Variants in DAB1 observed in about 807,000 individuals in gnomAD.
DAB1 encodes the protein DAB adaptor protein 1, also known as disabled homolog 1.
DAB1 carries 15 observed loss-of-function variants against 64.6 expected under a neutral mutation model. The observed-to-expected ratio is 0.23, with a 90% CI of 0.16 to 0.36. DAB1 has a LOEUF of 0.36. Ranked by LOEUF, DAB1 falls within the 10% of genes least tolerant of loss-of-function variation. The probability of loss-of-function intolerance (pLI) is 1.00; values close to 1 mark genes in which losing one functional copy is unlikely to be tolerated. For synonymous variants in DAB1, 235 were observed against 251.9 expected (o/e 0.93, Z 0.64); for missense variants, 596 against 706.7 (o/e 0.84, Z 1.78).
intron 3 of DAB1, among the ~76,000 whole-genome samples, chr1:58,477,666 C>A (rs896324805): frequency 2.5e-4 from 38 of 152,000 alleles, no homozygotes; most frequent in African/African-American, 8.7e-4. Flanking sequence ...AGCATGCAAC[C>A]CTGGGAGCTA....
intron 2 of DAB1, among the ~76,000 whole-genome samples, chr1:57,184,537 G>T (rs980779109): frequency 3.3e-5 from 5 of 152,270 alleles, no homozygotes; most frequent in African/African-American, 1.2e-4. Context: ...CATTATCACA[G>T]ATTTCACAGT....
Position 58,197,184 on chromosome 1 carries a change from C to A in DAB1, n.310-46596G>T, listed in dbSNP as rs1185582186. Among the ~76,000 whole-genome samples, 5 of 152,268 alleles carry A rather than the reference C, an allele frequency of 3.3e-5. No individual in the cohort carries two copies. The East Asian group carries it at 9.7e-4, about 29-fold the overall frequency. ...CCCTGCAAGCTTCAGTGGCCTACAA[C>A]ATGAATGAAAAGTGAGGTTTTATTA... On this transcript the variant is annotated intron_variant and non_coding_transcript_variant, in intron 4 of 20. Transcript: ENST00000485760.
At chr1:57,847,358 A>C (rs1026227903) in intron 1 of DAB1, among the ~76,000 whole-genome samples, 1 of 152,202 alleles carries the variant, frequency 6.6e-6, no homozygotes, top group African/African-American at 2.4e-5. Flanking sequence ...AGAAAGCATA[A>C]AGAAGAGAAA....
At chr1:57,578,182 T>C (rs1524720) in intron 7 of DAB1, among the ~76,000 whole-genome samples, 138,561 of 152,292 alleles carry the variant, frequency 0.91, 63,753 homozygotes, top group East Asian at 1. Flanking sequence ...TCCATGGCCA[T>C]AGCAGGGAGC....
At chr1:57,588,169 C>G (rs1645402290) in intron 7 of DAB1, among the ~76,000 whole-genome samples, 1 of 152,168 alleles carries the variant, frequency 6.6e-6, no homozygotes, top group Non-Finnish European at 1.5e-5. Context: ...TTTTATTTCT[C>G]CATCCATGGG....
At chr1:57,090,492 C>T (rs973075802) in intron 4 of DAB1, among the ~76,000 whole-genome samples, 1 of 152,140 alleles carries the variant, frequency 6.6e-6, no homozygotes, top group East Asian at 1.9e-4. Flanking sequence ...AAAGTGCCCC[C>T]TACCTGTCTG....
intron 7 of DAB1, among the ~76,000 whole-genome samples, chr1:57,528,052 A>G (rs1558463602): frequency 6.6e-6 from 1 of 152,084 alleles, no homozygotes; most frequent in East Asian, 1.9e-4. Flanking sequence ...CAATTGACTT[A>G]GAGATGACAA....
intron 6 of DAB1, among the ~76,000 whole-genome samples, chr1:57,806,744 T>A (rs1651381019): frequency 6.6e-6 from 1 of 152,240 alleles, no homozygotes; most frequent in Non-Finnish European, 1.5e-5. Context: ...GCATATTTCC[T>A]TAACTCCTTT....
At chr1:57,942,801 C>G (rs1169369036) in intron 5 of DAB1, among the ~76,000 whole-genome samples, 1 of 152,130 alleles carries the variant, frequency 6.6e-6, no homozygotes, top group African/African-American at 2.4e-5. Context: ...TGCCTGCTCA[C>G]TCTGGTTAGG....
chr1:58,422,847 T>C (rs1451433271), intron 3 of DAB1, among the ~76,000 whole-genome samples: 1 of 152,104 alleles, frequency 6.6e-6, no homozygotes, highest in African/African-American at 2.4e-5. Flanking sequence ...TCTGCAACTA[T>C]GGTTTCCAGC....
rs147244438 is a variant in DAB1, at chr1:57,134,771, G to A, written c.306+1772C>T. Among the ~76,000 whole-genome samples the A allele has an allele frequency of 1.1e-3, 165 of 152,212 alleles. No individual in the cohort carries two copies. In the South Asian group the frequency reaches 0.012, roughly 11 times the overall value. On this transcript the variant is annotated intron_variant, in intron 4 of 14. Transcript: ENST00000371236. The stretch of plus-strand genomic sequence containing the variant: ...AACAAAAGGACTCAGGAGCCAGACC[G>A]CCTAGGTTCTAATCCTGCCTCTGTC...
chr1:58,277,037 C>CTTTTTT (rs869207396), intron 4 of DAB1, among the ~76,000 whole-genome samples: 1 of 79,648 alleles, frequency 1.3e-5, no homozygotes, highest in Non-Finnish European at 2.3e-5. Context: ...CTTTTTTTTT[C>CTTTTTT]TTTTTTTTTT....
chr1:57,904,667 G>C (rs1382326791), intron 5 of DAB1, among the ~76,000 whole-genome samples: 1 of 152,166 alleles, frequency 6.6e-6, no homozygotes, highest in Non-Finnish European at 1.5e-5. Context: ...TGAACAGCTG[G>C]AGTGAAGGCA....
intron 4 of DAB1, among the ~76,000 whole-genome samples, chr1:57,114,670 A>G (rs760849009): frequency 4.6e-5 from 7 of 152,202 alleles, no homozygotes; most frequent in Non-Finnish European, 1.0e-4. Context: ...TGCACTCAGA[A>G]GCATCAGTTT....
At chr1:58,146,012 T>A (rs1654571995) in intron 5 of DAB1, among the ~76,000 whole-genome samples, 1 of 152,212 alleles carries the variant, frequency 6.6e-6, no homozygotes. Context: ...TTCTACCTAA[T>A]GAACAGTAAA....
intron 4 of DAB1, among the ~76,000 whole-genome samples, chr1:58,215,084 G>T (rs1570493857): frequency 6.6e-6 from 1 of 152,240 alleles, no homozygotes; most frequent in East Asian, 1.9e-4. Context: ...GAAACCATTA[G>T]CATAAAAACT....
At chr1:57,410,818 T>C (rs369869808) in intron 1 of DAB1, among the ~76,000 whole-genome samples, 2 of 152,260 alleles carry the variant, frequency 1.3e-5, no homozygotes, top group Admixed American at 6.5e-5. Context: ...TTGTTTTATA[T>C]GAGACGTCCT....
chr1:57,056,114 TG>T (rs1397742315), intron 9 of DAB1, among the ~76,000 whole-genome samples: 1 of 151,600 alleles, frequency 6.6e-6, no homozygotes, highest in Non-Finnish European at 1.5e-5. Flanking sequence ...AGCTAGAAAA[TG>T]GTAAAGCTGG....
intron 5 of DAB1, among the ~76,000 whole-genome samples, chr1:58,121,082 A>C (rs1024289899): frequency 6.6e-6 from 1 of 152,040 alleles, no homozygotes; most frequent in South Asian, 2.1e-4. Context: ...GGCTCCATTT[A>C]TTTGACTTGA....
Sources: allele counts gnomAD v4.1 joint callset (sites outside exome capture counted in the v4.1 genomes callset), GRCh38; gene constraint gnomAD v4.1.1; transcripts MANE v1.5; gene names NCBI Gene and HGNC (gene_info 2026-07-23, HGNC 2026-07-21).